DRC8: variants seen among roughly 807,000 people sequenced by gnomAD.
DRC8 encodes dynein regulatory complex subunit 8.
At chr1:245,046,959 G>A in the DRC8 span, among the ~76,000 whole-genome samples, 5 of 152,280 alleles carry the variant, frequency 3.3e-5, no homozygotes, top group African/African-American at 7.2e-5. Flanking sequence ...GCTGGGAGCC[G>A]CTGCTCCGTT....
the DRC8 span, among the ~76,000 whole-genome samples, chr1:245,111,929 C>T: frequency 6.6e-6 from 1 of 152,156 alleles, no homozygotes; most frequent in African/African-American, 2.4e-5. Flanking sequence ...AGCTACTCTG[C>T]AGGCTGAGGC....
chr1:244,991,756 A>G, the DRC8 span, among the ~76,000 whole-genome samples: 876 of 152,284 alleles, frequency 5.8e-3, 7 homozygotes, highest in African/African-American at 0.019. Flanking sequence ...AAAGATCTTG[A>G]TATTTATTTA....
the DRC8 span, chr1:245,123,248 G>A: frequency 1.3e-5 from 2 of 152,108 alleles, no homozygotes; most frequent in Non-Finnish European, 2.9e-5. This position sits in a 1 kb window ranked among gnomAD's most constrained non-coding sequence, Gnocchi z 5.0. Flanking sequence ...ACTTCTCCCA[G>A]CCGGACAAGA....
At chr1:245,002,099 T>C in the DRC8 span, 2 of 1,568,934 alleles carry the variant, frequency 1.3e-6, no homozygotes, top group Non-Finnish European at 1.7e-6. Flanking sequence ...CAAGTACTCT[T>C]CATGTGTCTC....
chr1:245,113,005 C>T, the DRC8 span, among the ~76,000 whole-genome samples: 3 of 152,164 alleles, frequency 2.0e-5, no homozygotes, highest in Non-Finnish European at 4.4e-5. Flanking sequence ...CCACCTGCCT[C>T]GGCCTCCCAA....
chr1:245,060,099 A>G, the DRC8 span, among the ~76,000 whole-genome samples: 1 of 152,244 alleles, frequency 6.6e-6, no homozygotes, highest in African/African-American at 2.4e-5. Flanking sequence ...AGAATTGCTT[A>G]TCTAGGCACA....
At chr1:244,984,047 T>G in the DRC8 span, among the ~76,000 whole-genome samples, 4 of 151,974 alleles carry the variant, frequency 2.6e-5, no homozygotes, top group African/African-American at 9.7e-5. Context: ...CTCAAACTCC[T>G]GTGCTCAAGC....
At chr1:245,017,073 G>A in the DRC8 span, among the ~76,000 whole-genome samples, 1 of 152,250 alleles carries the variant, frequency 6.6e-6, no homozygotes, top group Admixed American at 6.5e-5. Flanking sequence ...CAAATACAGT[G>A]TATCCTTTGA....
At chr1:245,010,932 C>T in the DRC8 span, among the ~76,000 whole-genome samples, 91 of 152,162 alleles carry the variant, frequency 6.0e-4, no homozygotes, top group Non-Finnish European at 5.3e-4. Context: ...CTGCCTGCCT[C>T]GGCCTCCCAA....
chr1:245,075,538 T>C, the DRC8 span: 23 of 152,230 alleles, frequency 1.5e-4, no homozygotes, highest in Admixed American at 1.5e-3. Context: ...CAGTATATTT[T>C]CTTCAGGTCA....
At chr1:245,040,646 A>G in the DRC8 span, among the ~76,000 whole-genome samples, 2 of 152,240 alleles carry the variant, frequency 1.3e-5, no homozygotes, top group African/African-American at 4.8e-5. Flanking sequence ...AAAGTGTTCT[A>G]CAAATTAATT....
At chr1:245,035,110 T>A in the DRC8 span, among the ~76,000 whole-genome samples, 1 of 152,036 alleles carries the variant, frequency 6.6e-6, no homozygotes, top group Non-Finnish European at 1.5e-5. Context: ...ATTGGAAGAG[T>A]TAATATTGTT....
chr1:245,013,110 T>C, the DRC8 span, among the ~76,000 whole-genome samples: 1 of 151,752 alleles, frequency 6.6e-6, no homozygotes, highest in South Asian at 2.1e-4. Context: ...TCAGATGAAT[T>C]ACTCAGTGTG....
the DRC8 span, among the ~76,000 whole-genome samples, chr1:245,062,971 A>G: frequency 6.6e-6 from 1 of 152,188 alleles, no homozygotes; most frequent in South Asian, 2.1e-4. Context: ...CCAGGTCTAC[A>G]ATTACCTAAT....
the DRC8 span, among the ~76,000 whole-genome samples, chr1:245,088,425 G>A: frequency 3.9e-5 from 6 of 151,988 alleles, no homozygotes; most frequent in Non-Finnish European, 8.8e-5. This position sits in a 1 kb window ranked among gnomAD's most constrained non-coding sequence, Gnocchi z 4.6. Flanking sequence ...GTTGCTGTGA[G>A]CCTTCCTCAG....
At chr1:244,986,762 AG>A in the DRC8 span, among the ~76,000 whole-genome samples, 2 of 151,476 alleles carry the variant, frequency 1.3e-5, no homozygotes, top group East Asian at 1.9e-4. Flanking sequence ...AAAAAAAAAA[AG>A]ATCACTTGCT....
At chr1:245,078,194 T>C in the DRC8 span, among the ~76,000 whole-genome samples, 2 of 152,196 alleles carry the variant, frequency 1.3e-5, no homozygotes, top group Admixed American at 1.3e-4. Flanking sequence ...GACAAAAGTG[T>C]TGGTGAGGGT....
chr1:244,971,294 G>T, the DRC8 span, among the ~76,000 whole-genome samples: 19 of 152,182 alleles, frequency 1.2e-4, no homozygotes, highest in Admixed American at 1.1e-3. Context: ...GCTGTGCGCC[G>T]GCCGGGCCTC....
chr1:245,077,439 A>C, the DRC8 span, among the ~76,000 whole-genome samples: 1 of 152,210 alleles, frequency 6.6e-6, no homozygotes, highest in South Asian at 2.1e-4. Flanking sequence ...AGAGTTAACA[A>C]TAGAGGAATT....
Sources: allele counts gnomAD v4.1 joint callset (sites outside exome capture counted in the v4.1 genomes callset), GRCh38; gene constraint gnomAD v4.1.1; non-coding constraint Gnocchi (gnomAD v3.1); transcripts MANE v1.5; gene names NCBI Gene and HGNC (gene_info 2026-07-23, HGNC 2026-07-21).